The following MB21D2 variants were observed in gnomAD, a reference collection of about 807,000 sequenced individuals.
MB21D2 encodes nucleotidyltransferase MB21D2.
MB21D2 carries 9 observed loss-of-function variants against 33.3 expected under a neutral mutation model. The ratio of observed to expected loss-of-function variants is 0.27; its 90% CI spans 0.16 to 0.47. The LOEUF (loss-of-function observed/expected upper bound fraction) is 0.47. MB21D2 is among the 20% of genes least tolerant of loss of function. The pLI is 0.99. For synonymous variants in MB21D2, 241 were observed against 236.3 expected (o/e 1.02, Z -0.18); for missense variants, 540 against 624.6 (o/e 0.86, Z 1.44).
intron 1 of MB21D2, among the ~76,000 whole-genome samples, chr3:192,847,552 G>C (rs1245548491): frequency 6.6e-6 from 1 of 152,174 alleles, no homozygotes; most frequent in Non-Finnish European, 1.5e-5. Flanking sequence ...ACACACAGTA[G>C]ATGCTTTAAC....
At chr3:192,897,129 C>A (rs1713992390) in intron 1 of MB21D2, among the ~76,000 whole-genome samples, 1 of 152,120 alleles carries the variant, frequency 6.6e-6, no homozygotes, top group Admixed American at 6.5e-5. Flanking sequence ...GATCAAACAA[C>A]CTCGTGGGAT....
intron 1 of MB21D2, among the ~76,000 whole-genome samples, chr3:192,881,848 T>A (rs1371720199): frequency 6.6e-6 from 1 of 152,138 alleles, no homozygotes; most frequent in East Asian, 1.9e-4. Flanking sequence ...TGTTTATCTG[T>A]TCTTGTCCCC....
Position 192,888,497 on chromosome 3 carries a change from C to T in MB21D2, c.211+29133G>A, listed in dbSNP as rs539969615. ...AGAAGAATTTCTACCCATAGAAAAT[C>T]TTATCCACAAAATACAGTTATTTCC... On this transcript the variant is annotated intron_variant, in intron 1 of 1. Coordinates refer to ENST00000392452, the MANE Select transcript of MB21D2 (RefSeq NM_178496.4). 2.3e-4 allele frequency among the ~76,000 whole-genome samples: 35 copies of T among 152,200 alleles called. 1 individual carries two copies. The highest frequency in any genetic ancestry group is 8.0e-4 in the African/African-American group (33 of 41,480).
At chr3:192,854,541 G>A (rs962016550) in intron 1 of MB21D2, among the ~76,000 whole-genome samples, 14 of 152,204 alleles carry the variant, frequency 9.2e-5, no homozygotes, top group African/African-American at 3.1e-4. Context: ...TTATCCAGAG[G>A]CTCCAGCTAA....
rs1416707228 is a variant in MB21D2, at chr3:192,851,558, G to A, written c.212-51908C>T. 4.5e-5 allele frequency among the ~76,000 whole-genome samples: 6 copies of A among 132,146 alleles called. No homozygotes were observed. In the South Asian group the frequency reaches 1.3e-3, roughly 28 times the overall value. The allele number at this position is 132,146 out of a possible 152,430, so 86.7% of individuals were successfully genotyped here. A position where few individuals can be genotyped will look rare whatever the true frequency, so the allele number is the denominator to read the frequency against. On this transcript the variant is annotated intron_variant, in intron 1 of 1. Transcript: ENST00000392452. ...TGCCCAGGCTGGAGTGCAGTGCCAC[G>A]ATCTTGGCTCACTGAAACCTCCGTC...
intron 1 of MB21D2, among the ~76,000 whole-genome samples, chr3:192,898,552 T>C (rs547931989): frequency 1.4e-4 from 22 of 152,170 alleles, no homozygotes; most frequent in African/African-American, 5.3e-4. Flanking sequence ...GCCATCTTAG[T>C]GCCTCATCAT....
At position 192,798,568 on chromosome 3, in the gene MB21D2, C is replaced by A; in HGVS notation, c.1294G>T (p.Gly432Cys). The A allele has an allele frequency of 6.2e-7, 1 of 1,614,170 alleles. No homozygotes were observed. The highest frequency in any genetic ancestry group is 1.1e-5 in the South Asian group (1 of 91,086). The change falls in exon 2 of 2, where the codon GGT (glycine) becomes TGT (cysteine). Residue 432 changes from glycine to cysteine, a missense_variant. Physicochemically the swap from Gly to Cys is radical, Grantham distance 159 (BLOSUM62 -3). Coordinates refer to ENST00000392452, the MANE Select transcript of MB21D2 (RefSeq NM_178496.4). This position sits in a 1 kb window ranked among gnomAD's most constrained non-coding sequence, Gnocchi z 4.8. ...GGAGAGGGGATGCTGGTGGTGCTAC[C>A]TCGCCTCTGGAGCTCCAGTGTCAGC... ...NRLTLELQRRGSTTSIPSPQS... is the reference protein window; with the variant it reads ...NRLTLELQRRCSTTSIPSPQS...
At chr3:192,826,696 C>A (rs1013670655) in intron 1 of MB21D2, among the ~76,000 whole-genome samples, 1 of 152,104 alleles carries the variant, frequency 6.6e-6, no homozygotes, top group Non-Finnish European at 1.5e-5. Flanking sequence ...ACAGAGAATG[C>A]CCTCAGAGAG....
In MB21D2 at chr3:192,798,050, A is replaced by T. The variant is rs149867766; in HGVS notation, c.*336T>A. 4.7e-6 allele frequency: 1 copy of T among 212,392 alleles called. No individual in the cohort carries two copies. Among genetic ancestry groups the T allele is most frequent in the East Asian group, 1.1e-4 (1 of 9,446 alleles). The allele number at this position is 212,392 out of a possible 1,614,324, so 13.2% of individuals were successfully genotyped here. A position where few individuals can be genotyped will look rare whatever the true frequency, so the allele number is the denominator to read the frequency against. ...AGAGATTTGTTTCCCCATACCCATG[A>T]ACAAATTTGCACCAAGTATGAAACA... On this transcript the variant is annotated 3_prime_UTR_variant, in exon 2 of 2. Coordinates refer to ENST00000392452, the MANE Select transcript of MB21D2 (RefSeq NM_178496.4). The surrounding 1 kb of genome is among the most constrained non-coding windows in gnomAD (Gnocchi z 4.8).
intron 1 of MB21D2, among the ~76,000 whole-genome samples, chr3:192,813,801 T>C (rs1470824369): frequency 2.0e-5 from 3 of 152,186 alleles, no homozygotes; most frequent in Non-Finnish European, 4.4e-5. Context: ...GTCAATTTGT[T>C]GTAAGGTGGG....
intron 1 of MB21D2, among the ~76,000 whole-genome samples, chr3:192,821,837 G>A (rs1360347594): frequency 1.3e-5 from 2 of 152,126 alleles, no homozygotes; most frequent in African/African-American, 4.8e-5. Context: ...GTAGGAGACA[G>A]GGAGGCAGCA....
At chr3:192,822,791 T>A (rs551450000) in intron 1 of MB21D2, among the ~76,000 whole-genome samples, 90 of 152,196 alleles carry the variant, frequency 5.9e-4, no homozygotes, top group Non-Finnish European at 9.6e-4. Flanking sequence ...GTCAAAGAGG[T>A]ACTGCTGGTA....
Position 192,799,437 on chromosome 3 carries a change from G to T in MB21D2, c.425C>A (p.Ala142Asp). 6.2e-7 allele frequency: 1 copy of T among 1,614,234 alleles called. No individual in the cohort carries two copies. Among genetic ancestry groups the T allele is most frequent in the Non-Finnish European group, 8.5e-7 (1 of 1,180,036 alleles). Reference protein sequence around the residue: ...QPVTLDMRHSALCHSWLSLRL... With the variant: ...QPVTLDMRHSDLCHSWLSLRL... ...AAGGCTCAGCCAAGAGTGGCACAAG[G>T]CTGAGTGGCGCATGTCGAGTGTCAC... The change falls in exon 2 of 2, where the codon GCC (alanine) becomes GAC (aspartate). Residue 142 changes from alanine (A) to aspartate (D), a missense_variant. Physicochemically the swap from Ala to Asp is moderately radical, Grantham distance 126. Transcript: ENST00000392452. The surrounding 1 kb of genome is among the most constrained non-coding windows in gnomAD (Gnocchi z 4.1).
chr3:192,824,939 T>C (rs914786510), intron 1 of MB21D2, among the ~76,000 whole-genome samples: 2 of 152,184 alleles, frequency 1.3e-5, no homozygotes, highest in African/African-American at 4.8e-5. Flanking sequence ...CCTCTCAATC[T>C]TTACCTTCTT....
At chr3:192,873,822 C>T (rs986114185) in intron 1 of MB21D2, among the ~76,000 whole-genome samples, 2 of 152,156 alleles carry the variant, frequency 1.3e-5, no homozygotes, top group African/African-American at 4.8e-5. Flanking sequence ...CCTGCCTCAG[C>T]CTCCTGAGTA....
chr3:192,838,205 A>G (rs1193623849), intron 1 of MB21D2, among the ~76,000 whole-genome samples: 2 of 152,188 alleles, frequency 1.3e-5, no homozygotes, highest in Non-Finnish European at 2.9e-5. Context: ...ATGGGCATCT[A>G]TATAAGACAT....
At chr3:192,867,329 G>A (rs1310934699) in intron 1 of MB21D2, among the ~76,000 whole-genome samples, 1 of 152,152 alleles carries the variant, frequency 6.6e-6, no homozygotes, top group East Asian at 1.9e-4. Flanking sequence ...GAGTCATGGA[G>A]CCTGAGGCTG....
At chr3:192,878,397 T>C (rs1055391504) in intron 1 of MB21D2, among the ~76,000 whole-genome samples, 8 of 152,032 alleles carry the variant, frequency 5.3e-5, no homozygotes, top group South Asian at 4.1e-4. Flanking sequence ...AGAGAGAAAA[T>C]TGGAGAAGAA....
intron 1 of MB21D2, among the ~76,000 whole-genome samples, chr3:192,865,401 G>A (rs1713147677): frequency 6.6e-6 from 1 of 152,184 alleles, no homozygotes; most frequent in African/African-American, 2.4e-5. Flanking sequence ...GAAGCATGTA[G>A]AAGGGCTTGT....
Sources: gnomAD v4.1 joint callset for allele counts (sites outside exome capture counted in the v4.1 genomes callset) on GRCh38, gnomAD v4.1.1 for gene constraint, Gnocchi (gnomAD v3.1) non-coding constraint, MANE v1.5 for transcripts, NCBI Gene and HGNC (gene_info 2026-07-23, HGNC 2026-07-21) for gene names.